SLC4A5: variants seen among roughly 807,000 people sequenced by gnomAD.
SLC4A5 encodes electrogenic sodium bicarbonate cotransporter 4.
In SLC4A5, 96 loss-of-function variants were observed where a neutral mutation model predicts 120.4. That is an observed-to-expected ratio of 0.80 (90% CI 0.68 to 0.94). The LOEUF (loss-of-function observed/expected upper bound fraction) is 0.94. Among genes scored for constraint, SLC4A5 ranks in the 40% least tolerant of loss-of-function variants. SLC4A5 has a pLI of 0.00. For missense variants in SLC4A5, 1,259 were observed against 1,459.5 expected, an observed-to-expected ratio of 0.86 and a Z score of 2.24; for synonymous variants, 550 against 571.1, an observed-to-expected ratio of 0.96 and a Z score of 0.53.
At chr2:74,267,424 A>G (rs1012308422) in intron 8 of SLC4A5, among the ~76,000 whole-genome samples, 8 of 152,232 alleles carry the variant, frequency 5.3e-5, no homozygotes, top group African/African-American at 1.9e-4. Flanking sequence ...GCATGATTAC[A>G]TCAATTCTGT....
At chr2:74,315,855 G>T (rs553199802) in intron 5 of SLC4A5, among the ~76,000 whole-genome samples, 70 of 151,526 alleles carry the variant, frequency 4.6e-4, no homozygotes, top group Non-Finnish European at 8.2e-4. Context: ...ACAACACTAG[G>T]ACTGAAAAAG....
chr2:74,222,519 C>T (rs752729949), intron 29 of SLC4A5, among the ~76,000 whole-genome samples: 29 of 152,116 alleles, frequency 1.9e-4, no homozygotes, highest in Admixed American at 7.2e-4. Flanking sequence ...TGAGCATGGG[C>T]GAGCAAGCAT....
intron 26 of SLC4A5, chr2:74,227,527 T>C: frequency 6.2e-7 from 1 of 1,612,558 alleles, no homozygotes; most frequent in Non-Finnish European, 8.5e-7. Flanking sequence ...TGGAGTCAGC[T>C]TCTTCTGGAT....
chr2:74,314,973 G>C, exon 6 of SLC4A5: 1 of 1,613,934 alleles, frequency 6.2e-7, no homozygotes, highest in South Asian at 1.1e-5. Flanking sequence ...TCCTCCTGTG[G>C]TTAGTGTGGT....
At chr2:74,323,910 G>T (rs185884030) in intron 5 of SLC4A5, among the ~76,000 whole-genome samples, 1 of 152,144 alleles carries the variant, frequency 6.6e-6, no homozygotes, top group African/African-American at 2.4e-5. Flanking sequence ...ATTATTAAAA[G>T]GTAGCCAGGA....
chr2:74,331,737 T>C (rs1673371536), intron 4 of SLC4A5, among the ~76,000 whole-genome samples: 1 of 152,082 alleles, frequency 6.6e-6, no homozygotes, highest in Non-Finnish European at 1.5e-5. Flanking sequence ...CCTTATAAAG[T>C]GGGAACTTCT....
At chr2:74,241,431 C>T (rs1055589960) in intron 20 of SLC4A5, among the ~76,000 whole-genome samples, 60 of 151,578 alleles carry the variant, frequency 4.0e-4, no homozygotes, top group Admixed American at 4.6e-4. Context: ...ACACCCAGCT[C>T]GTATCATATT....
intron 7 of SLC4A5, among the ~76,000 whole-genome samples, chr2:74,296,115 G>C (rs889570717): frequency 6.6e-6 from 1 of 152,118 alleles, no homozygotes; most frequent in Non-Finnish European, 1.5e-5. Context: ...TCTCCTGGTA[G>C]GGTTTTTTGC....
At chr2:74,285,238 G>A (rs1671945055) in intron 8 of SLC4A5, among the ~76,000 whole-genome samples, 1 of 152,150 alleles carries the variant, frequency 6.6e-6, no homozygotes, top group African/African-American at 2.4e-5. Flanking sequence ...GACATAATGA[G>A]ACCCTGTCTC....
chr2:74,280,832 C>T (rs1671790072), intron 8 of SLC4A5, among the ~76,000 whole-genome samples: 1 of 151,984 alleles, frequency 6.6e-6, no homozygotes, highest in Non-Finnish European at 1.5e-5. Context: ...TTACAGGCAC[C>T]CACCACCATG....
At chr2:74,219,661 C>G (rs1694562532) in intron 30 of SLC4A5, among the ~76,000 whole-genome samples, 1 of 152,194 alleles carries the variant, frequency 6.6e-6, no homozygotes, top group East Asian at 1.9e-4. Flanking sequence ...TTTGGAAACC[C>G]CTAACCTGGT....
chr2:74,290,622 TGAGAGAGAGAGAGAGAGA>T, intron 7 of SLC4A5: 10 of 883,132 alleles, frequency 1.1e-5, no homozygotes, highest in Non-Finnish European at 1.3e-5. Flanking sequence ...GACAGAGAAG[TGAGAGAGAGAGAGAGAGA>T]GAGAGAGAGA....
intron 7 of SLC4A5, among the ~76,000 whole-genome samples, chr2:74,291,621 T>A (rs1324074905): frequency 2.6e-5 from 4 of 152,214 alleles, no homozygotes; most frequent in African/African-American, 4.8e-5. Flanking sequence ...GGCTCGAGGA[T>A]CAAGTACGCC....
chr2:74,278,303 CTTAA>C (rs926665814), intron 8 of SLC4A5, among the ~76,000 whole-genome samples: 11 of 152,284 alleles, frequency 7.2e-5, no homozygotes, highest in Non-Finnish European at 1.5e-4. Flanking sequence ...TCTCTCCTCA[CTTAA>C]TTAGCCTTCC....
chr2:74,250,347 T>C (rs1670750842), exon 17 of SLC4A5: 1 of 1,613,828 alleles, frequency 6.2e-7, no homozygotes, highest in Admixed American at 1.7e-5. Context: ...ACACACCTGA[T>C]AATTGTCGGT....
Position 74,281,857 on chromosome 2 carries a change from C to T in SLC4A5, c.401+3916G>A, listed in dbSNP as rs932353053. The stretch of plus-strand genomic sequence containing the variant: ...TACTTTTATTAAAGCGTCCCCTCCC[C>T]GATTCTCTTTGACATGGGCATTGTG... On this transcript the variant is annotated intron_variant, in intron 8 of 30. Transcript: ENST00000394019. 6.6e-5 allele frequency among the ~76,000 whole-genome samples: 10 copies of T among 152,220 alleles called. No individual in the cohort carries two copies. In the East Asian group the frequency reaches 7.7e-4, roughly 12 times the overall value.
At chr2:74,275,658 C>T (rs1371420607) in intron 8 of SLC4A5, among the ~76,000 whole-genome samples, 2 of 152,210 alleles carry the variant, frequency 1.3e-5, no homozygotes, top group African/African-American at 4.8e-5. Context: ...TCCTCTAACT[C>T]GCATCACACT....
chr2:74,305,429 A>C (rs1672610938), intron 6 of SLC4A5, among the ~76,000 whole-genome samples: 1 of 152,130 alleles, frequency 6.6e-6, no homozygotes, highest in African/African-American at 2.4e-5. Context: ...CAATATACCT[A>C]CCTCGACCCT....
At chr2:74,290,394 G>A (rs1366923091) in intron 7 of SLC4A5, 1 of 985,242 alleles carries the variant, frequency 1.0e-6, no homozygotes, top group African/African-American at 1.7e-5. Flanking sequence ...TTAAGCACCA[G>A]GGGAGGTGTG....
Sources: gnomAD v4.1 joint callset for allele counts (sites outside exome capture counted in the v4.1 genomes callset) on GRCh38, gnomAD v4.1.1 for gene constraint, MANE v1.5 for transcripts, NCBI Gene and HGNC (gene_info 2026-07-23, HGNC 2026-07-21) for gene names.